Variants in KLF8 observed in about 807,000 individuals in gnomAD.
KLF8 encodes the protein Krueppel-like factor 8.
In KLF8, 10 loss-of-function variants were observed where a neutral mutation model predicts 18.2. The ratio of observed to expected loss-of-function variants is 0.55; its 90% CI spans 0.34 to 0.93. The LOEUF (loss-of-function observed/expected upper bound fraction) is 0.93, where lower values mean the gene tolerates loss of function less well. Among genes scored for constraint, KLF8 ranks in the 40% least tolerant of loss-of-function variants. The pLI, the probability that KLF8 is intolerant of heterozygous loss-of-function variation, is 0.02. For synonymous variants in KLF8, 109 were observed against 97.3 expected (o/e 1.12, Z -0.71); for missense variants, 264 against 277.9 (o/e 0.95, Z 0.36).
At chrX:56,113,299 T>C in the KLF8 span, among the ~76,000 whole-genome samples, 1 of 110,065 alleles carries the variant, frequency 9.1e-6, no homozygotes, top group Non-Finnish European at 1.9e-5. Context: ...AGGCCATACT[T>C]TCATGGTTTT....
chrX:56,014,980 G>T, the KLF8 span: 1 of 108,665 alleles, frequency 9.2e-6, no homozygotes, highest in Non-Finnish European at 1.9e-5. Context: ...AGGACAACAT[G>T]CAGTGGGGCC....
chrX:56,220,706 T>C, the KLF8 span, among the ~76,000 whole-genome samples: 5 of 111,504 alleles, frequency 4.5e-5, no homozygotes, highest in African/African-American at 1.6e-4. Context: ...CAGGCTGATC[T>C]CGAACTCCTG....
At chrX:56,100,597 G>A in the KLF8 span, among the ~76,000 whole-genome samples, 1 of 111,915 alleles carries the variant, frequency 8.9e-6, no homozygotes, top group Non-Finnish European at 1.9e-5. Context: ...TGTGATTTAT[G>A]TGAGAAGGGC....
chrX:56,071,858 A>G, the KLF8 span, among the ~76,000 whole-genome samples: 654 of 111,827 alleles, frequency 5.8e-3, 10 homozygotes, highest in Non-Finnish European at 8.7e-3. Flanking sequence ...AAAGCTGGAG[A>G]TATCATTTGA....
the KLF8 span, among the ~76,000 whole-genome samples, chrX:56,157,806 G>A: frequency 9.0e-5 from 10 of 111,475 alleles, no homozygotes; most frequent in Non-Finnish European, 1.3e-4. Flanking sequence ...TGTCAGATGA[G>A]TAGATTGCAA....
At chrX:56,121,055 G>T in the KLF8 span, among the ~76,000 whole-genome samples, 14 of 109,251 alleles carry the variant, frequency 1.3e-4, no homozygotes, top group African/African-American at 4.7e-4. Flanking sequence ...ACGTGGTGGC[G>T]GGCACCTGTA....
chrX:56,193,284 A>C, the KLF8 span, among the ~76,000 whole-genome samples: 1 of 112,525 alleles, frequency 8.9e-6, no homozygotes, highest in African/African-American at 3.2e-5. Context: ...CATGTCACCC[A>C]GTTAAAATGG....
At chrX:56,109,790 TTTTTA>T in the KLF8 span, among the ~76,000 whole-genome samples, 43 of 111,471 alleles carry the variant, frequency 3.9e-4, no homozygotes, top group Admixed American at 4.0e-3. Flanking sequence ...TTAATTTTTA[TTTTTA>T]TTTTAAGTTC....
chrX:56,021,092 C>A, the KLF8 span, among the ~76,000 whole-genome samples: 1 of 112,384 alleles, frequency 8.9e-6, no homozygotes, highest in Non-Finnish European at 1.9e-5. Context: ...ATTTAACATA[C>A]CTGTGTAATT....
chrX:55,952,347 C>T, the KLF8 span, among the ~76,000 whole-genome samples: 1 of 112,378 alleles, frequency 8.9e-6, no homozygotes, highest in African/African-American at 3.2e-5. Context: ...TAACAAGTTA[C>T]CACAAACTTA....
At chrX:56,163,910 G>A in the KLF8 span, among the ~76,000 whole-genome samples, 1 of 111,224 alleles carries the variant, frequency 9.0e-6, no homozygotes, top group Non-Finnish European at 1.9e-5. Flanking sequence ...ATAGTTGTAG[G>A]TGTGCAGTCT....
chrX:55,938,548 C>G, the KLF8 span, among the ~76,000 whole-genome samples: 2 of 111,204 alleles, frequency 1.8e-5, no homozygotes, highest in Non-Finnish European at 3.8e-5. Context: ...TGTAAATGGG[C>G]TAAATGCTCC....
chrX:55,986,412 G>C, the KLF8 span, among the ~76,000 whole-genome samples: 1 of 112,074 alleles, frequency 8.9e-6, no homozygotes. Context: ...ATTTAGTTCT[G>C]TTTATGTGAG....
chrX:56,042,913 T>C, the KLF8 span, among the ~76,000 whole-genome samples: 1 of 112,041 alleles, frequency 8.9e-6, no homozygotes, highest in Non-Finnish European at 1.9e-5. Flanking sequence ...TGCCTCATAA[T>C]ATCACTGGAC....
the KLF8 span, among the ~76,000 whole-genome samples, chrX:55,987,374 C>T: frequency 3.6e-5 from 4 of 109,727 alleles, no homozygotes; most frequent in Non-Finnish European, 3.8e-5. Flanking sequence ...CAACAGGCCC[C>T]GGGGTGTGAT....
the KLF8 span, among the ~76,000 whole-genome samples, chrX:56,047,934 A>C: frequency 1.8e-5 from 2 of 111,418 alleles, no homozygotes; most frequent in Admixed American, 1.9e-4. Context: ...CCTATACTTT[A>C]CTGACTTTTT....
chrX:55,937,270 G>C, the KLF8 span, among the ~76,000 whole-genome samples: 1 of 112,014 alleles, frequency 8.9e-6, no homozygotes, highest in Non-Finnish European at 1.9e-5. Flanking sequence ...ACAGGGTCTG[G>C]AGTGGAACTC....
At chrX:55,951,490 A>C in the KLF8 span, among the ~76,000 whole-genome samples, 2 of 109,250 alleles carry the variant, frequency 1.8e-5, no homozygotes, top group Non-Finnish European at 3.8e-5. Flanking sequence ...AAAAAAAAAA[A>C]AAAGAAAGAA....
the KLF8 span, among the ~76,000 whole-genome samples, chrX:56,080,000 G>C: frequency 9.0e-6 from 1 of 110,554 alleles, no homozygotes; most frequent in Non-Finnish European, 1.9e-5. Flanking sequence ...CCATTTGCTT[G>C]GTAGATCTTC....
Sources: gnomAD v4.1 joint callset for allele counts (sites outside exome capture counted in the v4.1 genomes callset) on GRCh38, gnomAD v4.1.1 for gene constraint, MANE v1.5 for transcripts, NCBI Gene and HGNC (gene_info 2026-07-23, HGNC 2026-07-21) for gene names.